Variants in ZFYVE28 observed in about 807,000 individuals in gnomAD.
The protein encoded by ZFYVE28 is lateral signaling target protein 2 homolog.
Under a neutral mutation model 82.1 loss-of-function variants are expected in ZFYVE28, and 40 were observed. The ratio of observed to expected loss-of-function variants is 0.49; its 90% CI spans 0.38 to 0.63. The LOEUF (loss-of-function observed/expected upper bound fraction) is 0.63. ZFYVE28 is among the 30% of genes least tolerant of loss of function. The probability of loss-of-function intolerance (pLI) is 0.00; values close to 1 mark genes in which losing one functional copy is unlikely to be tolerated. For missense variants in ZFYVE28, 1,321 were observed against 1,242.1 expected, an observed-to-expected ratio of 1.06 and a Z score of -0.96; for synonymous variants, 612 against 546.1, an observed-to-expected ratio of 1.12 and a Z score of -1.68.
intron 8 of ZFYVE28, among the ~76,000 whole-genome samples, chr4:2,302,840 G>A (rs1393061708): frequency 6.6e-6 from 1 of 152,244 alleles, no homozygotes; most frequent in Non-Finnish European, 1.5e-5. Context: ...CGTTACGTCT[G>A]GTGGACGAAG....
intron 1 of ZFYVE28, among the ~76,000 whole-genome samples, chr4:2,415,111 A>C (rs1732894890): frequency 6.6e-6 from 1 of 152,184 alleles, no homozygotes; most frequent in African/African-American, 2.4e-5. Context: ...ATAATTTGCA[A>C]ATGTCATTTT....
At chr4:2,363,687 TA>T (rs1726471817) in intron 1 of ZFYVE28, among the ~76,000 whole-genome samples, 1 of 152,222 alleles carries the variant, frequency 6.6e-6, no homozygotes, top group Non-Finnish European at 1.5e-5. Flanking sequence ...CATGGAGGAC[TA>T]AACAGTAGCC....
chr4:2,301,797 C>A (rs906586930), intron 8 of ZFYVE28, among the ~76,000 whole-genome samples: 4 of 152,206 alleles, frequency 2.6e-5, no homozygotes, highest in African/African-American at 9.7e-5. Flanking sequence ...TGGGTCTGAG[C>A]CCCTGAGGAA....
Position 2,332,703 on chromosome 4 carries a change from G to A in ZFYVE28, c.701+3002C>T, listed in dbSNP as rs1720903972. Among the ~76,000 whole-genome samples the A allele has an allele frequency of 6.6e-6, 1 of 152,178 alleles. No individual in the cohort carries two copies. Among genetic ancestry groups the A allele is most frequent in the South Asian group, 2.1e-4 (1 of 4,834 alleles). On this transcript the variant is annotated intron_variant, in intron 6 of 12. Coordinates refer to ENST00000290974, the MANE Select transcript of ZFYVE28 (RefSeq NM_020972.3). This position sits in a 1 kb window ranked among gnomAD's most constrained non-coding sequence, Gnocchi z 4.7. The stretch of plus-strand genomic sequence containing the variant: ...TCAAAGCGGTCGCTGTGGATGACGA[G>A]GAACAAGACGGGATCCGCTGGTGGT...
In ZFYVE28 at chr4:2,273,928, G is replaced by A. The variant is rs75706335; in HGVS notation, c.2206+134C>T. 7,773 of 1,008,436 alleles carry A rather than the reference G, an allele frequency of 7.7e-3. 313 individuals are homozygous for A. The African/African-American group carries it at 0.096, about 12-fold the overall frequency. The allele number at this position is 1,008,436 out of a possible 1,614,324, so 62.5% of individuals were successfully genotyped here. ...GCCTTCTCCATGAACAGGAGTGCTGGCTCCTTAGGGGCAGAGTGGGCTGCT... is the reference window on the plus strand; with the variant it reads ...GCCTTCTCCATGAACAGGAGTGCTGACTCCTTAGGGGCAGAGTGGGCTGCT... On this transcript the variant is annotated intron_variant, in intron 9 of 12. Coordinates refer to ENST00000290974, the MANE Select transcript of ZFYVE28 (RefSeq NM_020972.3).
intron 1 of ZFYVE28, among the ~76,000 whole-genome samples, chr4:2,358,827 G>C (rs1011096536): frequency 5.3e-5 from 8 of 151,818 alleles, no homozygotes; most frequent in South Asian, 4.2e-4. Flanking sequence ...TTTGAGACAG[G>C]GTCTTGCTCT....
rs934134783 is a variant in ZFYVE28 at position 2,341,158 on chromosome 4, G to A, written c.318+320C>T. On this transcript the variant is annotated intron_variant, in intron 3 of 12. Transcript: ENST00000290974. The surrounding 1 kb of genome is among the most constrained non-coding windows in gnomAD (Gnocchi z 4.5). Reference sequence around the variant, plus strand: ...GCTGCAGGGCCGGAGGGGAACACTTGTTCCTGATGTGGGCATTACTGCCAT... The same window carrying A: ...GCTGCAGGGCCGGAGGGGAACACTTATTCCTGATGTGGGCATTACTGCCAT... 6.6e-6 allele frequency among the ~76,000 whole-genome samples: 1 copy of A among 152,170 alleles called. No individual in the cohort carries two copies. Among genetic ancestry groups the A allele is most frequent in the Non-Finnish European group, 1.5e-5 (1 of 68,018 alleles).
intron 1 of ZFYVE28, among the ~76,000 whole-genome samples, chr4:2,415,161 C>T (rs1732899043): frequency 6.6e-6 from 1 of 152,192 alleles, no homozygotes; most frequent in African/African-American, 2.4e-5. Flanking sequence ...CATTCTTTTA[C>T]TCAACTTAGG....
In ZFYVE28 at chr4:2,327,284, ATATATATATATATATATATATATATC is replaced by A. The variant is rs1300943503; in HGVS notation, c.702-7039_702-7014del. The stretch of plus-strand genomic sequence containing the variant: ...TATATATATATATATATATATATAT[ATATATATATATATATATATATATATC>A]GAATAAAGTTGCCATCAAACAGTAA... On this transcript the variant is annotated intron_variant, in intron 6 of 12. Coordinates refer to ENST00000290974, the MANE Select transcript of ZFYVE28 (RefSeq NM_020972.3). Among the ~76,000 whole-genome samples the A allele has an allele frequency of 3.5e-3, 125 of 35,466 alleles. 3 individuals are homozygous for A. Among genetic ancestry groups the A allele is most frequent in the South Asian group, 0.011 (12 of 1,112 alleles). The allele number at this position is 35,466 out of a possible 152,430, so 23.3% of individuals were successfully genotyped here.
At chr4:2,303,689 G>T (rs539112215) in intron 8 of ZFYVE28, among the ~76,000 whole-genome samples, 5 of 152,184 alleles carry the variant, frequency 3.3e-5, no homozygotes, top group Non-Finnish European at 4.4e-5. Context: ...CCCCAGTGCA[G>T]GGCAAGGAGG....
chr4:2,291,616 G>A (rs951123027), intron 8 of ZFYVE28, among the ~76,000 whole-genome samples: 1 of 152,192 alleles, frequency 6.6e-6, no homozygotes, highest in Non-Finnish European at 1.5e-5. Flanking sequence ...TGTCCTGAGG[G>A]ACAGGGCTGG....
chr4:2,336,753 T>G (rs1721779415), intron 5 of ZFYVE28, among the ~76,000 whole-genome samples: 1 of 139,034 alleles, frequency 7.2e-6, no homozygotes, highest in Non-Finnish European at 1.5e-5. Context: ...AGGTGAGGAA[T>G]GATGAGGTGA....
intron 1 of ZFYVE28, among the ~76,000 whole-genome samples, chr4:2,390,076 G>A (rs148437479): frequency 1.1e-3 from 170 of 152,334 alleles, no homozygotes; most frequent in Non-Finnish European, 2.1e-3. Context: ...TAAGGATCTC[G>A]TGATGAGATC....
chr4:2,417,397 G>C lies in ZFYVE28; in HGVS notation c.39+888C>G, dbSNP rs1400660178. On this transcript the variant is annotated intron_variant, in intron 1 of 12. Transcript: ENST00000290974. The surrounding 1 kb of genome is among the most constrained non-coding windows in gnomAD (Gnocchi z 4.8). ...AGCGGGCACGAGCCCCAGGCGGGCGGCGGGGACGCAGCGCCCGCAGTGCGA... is the reference window on the plus strand; with the variant it reads ...AGCGGGCACGAGCCCCAGGCGGGCGCCGGGGACGCAGCGCCCGCAGTGCGA... Among the ~76,000 whole-genome samples, 1 of 150,954 alleles carries C rather than the reference G, an allele frequency of 6.6e-6. No homozygotes were observed. The highest frequency in any genetic ancestry group is 1.5e-5 in the Non-Finnish European group (1 of 67,682).
intron 12 of ZFYVE28, 199 bp downstream of exon 12, chr4:2,271,112 T>G (rs1223888847): frequency 1.4e-6 from 1 of 734,308 alleles, no homozygotes. Flanking sequence ...CAGCCGGGAC[T>G]GGACATGGGC....
intron 8 of ZFYVE28, among the ~76,000 whole-genome samples, chr4:2,288,916 T>C (rs573993909): frequency 3.0e-4 from 45 of 152,240 alleles, no homozygotes; most frequent in South Asian, 4.1e-4. Context: ...CAGTGAGCCA[T>C]GATTGCACCA....
At chr4:2,321,762 C>A (rs1305995866) in intron 6 of ZFYVE28, among the ~76,000 whole-genome samples, 1 of 152,120 alleles carries the variant, frequency 6.6e-6, no homozygotes, top group Non-Finnish European at 1.5e-5. Flanking sequence ...CCCTCCCCTG[C>A]TGAGCATAGG....
rs1467092553 is a variant in ZFYVE28 at position 2,300,165 on chromosome 4, G to A, written c.2051+4124C>T. Reference sequence around the variant, plus strand: ...CACATCTATAATTAGCAAACAGGGAGTCAGTGTTACTTTTTGCAGAAGGCA... The same window carrying A: ...CACATCTATAATTAGCAAACAGGGAATCAGTGTTACTTTTTGCAGAAGGCA... On this transcript the variant is annotated intron_variant, in intron 8 of 12. Transcript: ENST00000290974. The surrounding 1 kb of genome is among the most constrained non-coding windows in gnomAD (Gnocchi z 4.6). 6.6e-6 allele frequency among the ~76,000 whole-genome samples: 1 copy of A among 152,196 alleles called. No individual in the cohort carries two copies. The highest frequency in any genetic ancestry group is 1.9e-4 in the East Asian group (1 of 5,200).
At chr4:2,414,223 C>T (rs1470229062) in intron 1 of ZFYVE28, among the ~76,000 whole-genome samples, 2 of 152,222 alleles carry the variant, frequency 1.3e-5, no homozygotes, top group African/African-American at 2.4e-5. Flanking sequence ...TAACAAGAGC[C>T]GAAGGGCAGG....
Sources: allele counts gnomAD v4.1 joint callset (sites outside exome capture counted in the v4.1 genomes callset), GRCh38; gene constraint gnomAD v4.1.1; non-coding constraint Gnocchi (gnomAD v3.1); transcripts MANE v1.5; gene names NCBI Gene and HGNC (gene_info 2026-07-23, HGNC 2026-07-21).